CSMD1: variants seen among roughly 807,000 people sequenced by gnomAD.
CSMD1 encodes the protein CUB and Sushi multiple domains 1, also known as CUB and sushi domain-containing protein 1.
In CSMD1, 213 loss-of-function variants were observed where a neutral mutation model predicts 417.5. The observed-to-expected ratio is 0.51, with a 90% CI of 0.46 to 0.57. The LOEUF (loss-of-function observed/expected upper bound fraction) is 0.57, where lower values mean the gene tolerates loss of function less well. Among genes scored for constraint, CSMD1 ranks in the 20% least tolerant of loss-of-function variants. The probability of loss-of-function intolerance (pLI) is 0.00; values close to 1 mark genes in which losing one functional copy is unlikely to be tolerated. For missense variants in CSMD1, 6,923 were observed against 4,529.7 expected (o/e 1.53, Z -15.17); for synonymous variants, 2,862 against 1,736.8 (o/e 1.65, Z -16.11).
chr8:3,845,503 AG>A (rs1803444812), intron 5 of CSMD1, among the ~76,000 whole-genome samples: 1 of 152,214 alleles, frequency 6.6e-6, no homozygotes, highest in Admixed American at 6.5e-5. Flanking sequence ...ACACCTGTAC[AG>A]GGTACTTGCC....
chr8:4,797,976 A>G (rs9792204), intron 1 of CSMD1, among the ~76,000 whole-genome samples: 43,107 of 152,142 alleles, frequency 0.28, 6,457 homozygotes, highest in Non-Finnish European at 0.34. Context: ...TCCCAAATGC[A>G]TCTATGCAAA....
At chr8:3,482,252 A>G (rs1391278196) in intron 11 of CSMD1, among the ~76,000 whole-genome samples, 1 of 152,196 alleles carries the variant, frequency 6.6e-6, no homozygotes, top group Non-Finnish European at 1.5e-5. Context: ...AATGTATTAA[A>G]AAATTACCCA....
chr8:2,978,542 T>G, intron 55 of CSMD1, 70 bp downstream of exon 55: 1 of 1,236,704 alleles, frequency 8.1e-7, no homozygotes, highest in East Asian at 2.6e-5. Context: ...TAAATATACT[T>G]ACGGAATTTT....
At chr8:4,120,005 G>A (rs984067914) in intron 3 of CSMD1, among the ~76,000 whole-genome samples, 8 of 152,016 alleles carry the variant, frequency 5.3e-5, no homozygotes, top group African/African-American at 9.7e-5. Flanking sequence ...AGCACAATAG[G>A]GTGACGGCAG....
intron 37 of CSMD1, among the ~76,000 whole-genome samples, chr8:3,172,195 T>G (rs548252992): frequency 6.6e-6 from 1 of 152,288 alleles, no homozygotes; most frequent in East Asian, 1.9e-4. Flanking sequence ...CCTTCTTTCC[T>G]TTTCTTCTTT....
chr8:3,040,163 T>G (rs1810991525), intron 50 of CSMD1, among the ~76,000 whole-genome samples: 1 of 152,116 alleles, frequency 6.6e-6, no homozygotes, highest in African/African-American at 2.4e-5. Context: ...ATGGAAAGAT[T>G]GAAAGAAGGA....
chr8:4,104,416 A>ACACGCACACACACATGCG (rs1801461240), intron 3 of CSMD1, among the ~76,000 whole-genome samples: 5 of 149,182 alleles, frequency 3.4e-5, no homozygotes, highest in African/African-American at 1.3e-4. Flanking sequence ...ATGCACACGC[A>ACACGCACACACACATGCG]CACACACATG....
At chr8:4,268,370 T>C (rs1359906849) in intron 3 of CSMD1, among the ~76,000 whole-genome samples, 1 of 152,216 alleles carries the variant, frequency 6.6e-6, no homozygotes, top group Non-Finnish European at 1.5e-5. Context: ...CTTGGATCAA[T>C]ACACTTAGTT....
At chr8:4,263,284 T>G (rs148851217) in intron 3 of CSMD1, among the ~76,000 whole-genome samples, 4 of 152,114 alleles carry the variant, frequency 2.6e-5, no homozygotes, top group African/African-American at 9.7e-5. Context: ...TAAACAAAAA[T>G]GTACGGTACA....
chr8:3,983,121 C>A (rs117455735), intron 5 of CSMD1, among the ~76,000 whole-genome samples: 3,309 of 137,612 alleles, frequency 0.024, 78 homozygotes, highest in Non-Finnish European at 0.032. Context: ...ATGCATCCTC[C>A]CACATCTTTC....
chr8:3,815,941 C>A (rs1015230986), intron 5 of CSMD1, among the ~76,000 whole-genome samples: 1 of 152,152 alleles, frequency 6.6e-6, no homozygotes, highest in East Asian at 1.9e-4. Flanking sequence ...ATTCACTGGA[C>A]TAGAAATCTC....
chr8:3,607,670 T>C (rs1221567304), intron 8 of CSMD1, among the ~76,000 whole-genome samples: 1 of 152,204 alleles, frequency 6.6e-6, no homozygotes, highest in African/African-American at 2.4e-5. Flanking sequence ...AGGCAGTGTA[T>C]GACTGGATAT....
intron 10 of CSMD1, among the ~76,000 whole-genome samples, chr8:3,523,910 C>A (rs990478485): frequency 4.7e-5 from 7 of 150,458 alleles, no homozygotes; most frequent in African/African-American, 1.7e-4. Context: ...CACACATGTA[C>A]ACGCACACAC....
chr8:3,580,962 A>G (rs1800357145), intron 9 of CSMD1, among the ~76,000 whole-genome samples: 2 of 152,200 alleles, frequency 1.3e-5, no homozygotes, highest in African/African-American at 2.4e-5. Context: ...TTCCAACGCA[A>G]TAATAACTTT....
At chr8:4,058,817 A>G (rs2130729140) in intron 3 of CSMD1, among the ~76,000 whole-genome samples, 1 of 151,182 alleles carries the variant, frequency 6.6e-6, no homozygotes. Context: ...CTACAAAGAG[A>G]CTTAGACTCC....
At chr8:3,869,297 T>A (rs1260224280) in intron 5 of CSMD1, among the ~76,000 whole-genome samples, 1 of 152,180 alleles carries the variant, frequency 6.6e-6, no homozygotes, top group Admixed American at 6.5e-5. Flanking sequence ...ATTCTCCTTC[T>A]CTGCTTCATT....
chr8:3,560,011 G>A (rs73505748), intron 10 of CSMD1, among the ~76,000 whole-genome samples: 4,297 of 152,172 alleles, frequency 0.028, 118 homozygotes, highest in African/African-American at 0.067. Flanking sequence ...AGTGGCCAGC[G>A]TAAGGGATTT....
intron 3 of CSMD1, among the ~76,000 whole-genome samples, chr8:4,048,549 G>A (rs57213574): frequency 4.1e-4 from 63 of 152,232 alleles, no homozygotes; most frequent in Admixed American, 9.8e-4. Context: ...CAAGTAAAAG[G>A]GAGAGCCAGG....
intron 6 of CSMD1, among the ~76,000 whole-genome samples, chr8:3,734,043 A>C (rs1476200180): frequency 7.1e-6 from 1 of 140,578 alleles, no homozygotes; most frequent in Non-Finnish European, 1.6e-5. Context: ...CTCAGGAAGA[A>C]ATGCAAGCTG....
Sources: gnomAD v4.1 joint callset for allele counts (sites outside exome capture counted in the v4.1 genomes callset) on GRCh38, gnomAD v4.1.1 for gene constraint, MANE v1.5 for transcripts, NCBI Gene and HGNC (gene_info 2026-07-23, HGNC 2026-07-21) for gene names.